Variants in CCSER1 observed in about 807,000 individuals in gnomAD.
CCSER1 encodes coiled-coil serine rich protein 1.
CCSER1 carries 41 observed loss-of-function variants against 82.0 expected under a neutral mutation model. The ratio of observed to expected loss-of-function variants is 0.50; its 90% CI spans 0.39 to 0.65. CCSER1 has a LOEUF of 0.65. Ranked by LOEUF, CCSER1 falls within the 30% of genes least tolerant of loss-of-function variation. CCSER1 has a pLI of 0.00. For missense variants in CCSER1, 1,119 were observed against 1,064.2 expected (o/e 1.05, Z -0.72); for synonymous variants, 414 against 383.9 (o/e 1.08, Z -0.92).
At chr4:90,374,457 A>C (rs1186875996) in intron 3 of CCSER1, among the ~76,000 whole-genome samples, 2 of 152,168 alleles carry the variant, frequency 1.3e-5, no homozygotes, top group African/African-American at 4.8e-5. Flanking sequence ...GATTCAGGCA[A>C]GGTTTGCAGT....
chr4:91,234,556 A>G (rs1312037013), intron 10 of CCSER1, among the ~76,000 whole-genome samples: 1 of 152,106 alleles, frequency 6.6e-6, no homozygotes, highest in Non-Finnish European at 1.5e-5. Flanking sequence ...CATAAACTAA[A>G]TTTGAATACC....
intron 9 of CCSER1, among the ~76,000 whole-genome samples, chr4:90,994,755 G>A (rs969825786): frequency 1.4e-4 from 21 of 152,074 alleles, no homozygotes; most frequent in African/African-American, 2.2e-4. Context: ...ATTTATTGCC[G>A]AAGTTGTTAT....
chr4:91,091,489 C>T (rs1182075696), intron 10 of CCSER1, among the ~76,000 whole-genome samples: 1 of 152,172 alleles, frequency 6.6e-6, no homozygotes. Context: ...GAAAGCAGTC[C>T]TCTGTGTGGG....
chr4:91,380,583 GT>G (rs1318273566), intron 10 of CCSER1, among the ~76,000 whole-genome samples: 1 of 151,560 alleles, frequency 6.6e-6, no homozygotes, highest in African/African-American at 2.4e-5. Context: ...GCCTTTTTTT[GT>G]TTTCCGTTTG....
rs576031511 is a variant in CCSER1 at position 91,581,479 on chromosome 4, C to A, written c.2218-17093C>A. Reference sequence around the variant, plus strand: ...CTTCTTAACAGAGTGAAATGAAGAACAATTACTTACTGCAGCTAAATGACA... The same window carrying A: ...CTTCTTAACAGAGTGAAATGAAGAAAAATTACTTACTGCAGCTAAATGACA... On this transcript the variant is annotated intron_variant, in intron 10 of 10. Coordinates refer to ENST00000509176, the MANE Select transcript of CCSER1 (RefSeq NM_001145065.2). Among the ~76,000 whole-genome samples the A allele has an allele frequency of 2.9e-4, 44 of 151,670 alleles. No homozygotes were observed. In the East Asian group the frequency reaches 8.0e-3, roughly 27 times the overall value.
chr4:91,476,069 T>A (rs1293665128), intron 10 of CCSER1, among the ~76,000 whole-genome samples: 1 of 151,926 alleles, frequency 6.6e-6, no homozygotes, highest in Non-Finnish European at 1.5e-5. Context: ...TTTCCTTATC[T>A]TGGCTATTGT....
At chr4:91,375,308 G>T (rs1273159528) in intron 10 of CCSER1, among the ~76,000 whole-genome samples, 1 of 152,190 alleles carries the variant, frequency 6.6e-6, no homozygotes, top group Non-Finnish European at 1.5e-5. Flanking sequence ...TTACCATCTT[G>T]TGATGGCACG....
At chr4:91,113,595 AATAGCAT>A (rs1162066572) in intron 10 of CCSER1, among the ~76,000 whole-genome samples, 1 of 152,164 alleles carries the variant, frequency 6.6e-6, no homozygotes, top group African/African-American at 2.4e-5. Context: ...CCGTATGATA[AATAGCAT>A]ATGCTACCTT....
At chr4:90,545,220 A>T (rs1776614041) in intron 5 of CCSER1, among the ~76,000 whole-genome samples, 1 of 152,118 alleles carries the variant, frequency 6.6e-6, no homozygotes, top group African/African-American at 2.4e-5. Flanking sequence ...GTCTTTCGAC[A>T]TTGGGAAGGT....
At chr4:91,388,874 G>A (rs1325752943) in intron 10 of CCSER1, among the ~76,000 whole-genome samples, 2 of 151,954 alleles carry the variant, frequency 1.3e-5, no homozygotes, top group African/African-American at 4.8e-5. Context: ...GTTTGAAAAT[G>A]CCTGTGTATC....
At chr4:91,472,609 A>T (rs1757344187) in intron 10 of CCSER1, among the ~76,000 whole-genome samples, 1 of 152,202 alleles carries the variant, frequency 6.6e-6, no homozygotes, top group Non-Finnish European at 1.5e-5. Context: ...CTTTCTCTAT[A>T]ATAACCACTG....
chr4:91,120,975 C>T (rs990062069), intron 10 of CCSER1, among the ~76,000 whole-genome samples: 2 of 151,924 alleles, frequency 1.3e-5, no homozygotes, highest in Non-Finnish European at 2.9e-5. Context: ...CCTCTCTTCT[C>T]TCTCCCTCCT....
At chr4:91,101,077 G>C (rs1404450704) in intron 10 of CCSER1, among the ~76,000 whole-genome samples, 1 of 152,198 alleles carries the variant, frequency 6.6e-6, no homozygotes, top group Non-Finnish European at 1.5e-5. Flanking sequence ...GGGGGAGCCA[G>C]CTTCTGACAG....
chr4:90,596,101 G>A (rs939571933), intron 5 of CCSER1, among the ~76,000 whole-genome samples: 4 of 151,794 alleles, frequency 2.6e-5, no homozygotes, highest in African/African-American at 4.8e-5. Flanking sequence ...GGTCTGTGGA[G>A]CACATTTTGA....
chr4:91,168,954 A>C (rs1242954529), intron 10 of CCSER1, among the ~76,000 whole-genome samples: 5 of 152,208 alleles, frequency 3.3e-5, no homozygotes, highest in Admixed American at 2.0e-4. Context: ...TAAATGGATT[A>C]AGGGCGGTGC....
intron 10 of CCSER1, among the ~76,000 whole-genome samples, chr4:91,545,123 G>A (rs552895424): frequency 8.5e-4 from 130 of 152,222 alleles, no homozygotes; most frequent in African/African-American, 2.9e-3. Context: ...GGGACCCTCC[G>A]AGCCATGTGT....
chr4:90,993,441 T>C (rs1737210571), intron 9 of CCSER1, among the ~76,000 whole-genome samples: 1 of 151,798 alleles, frequency 6.6e-6, no homozygotes, highest in African/African-American at 2.4e-5. Flanking sequence ...GTCTGCTTGA[T>C]ATTATTATGC....
At chr4:91,010,416 G>A (rs1474359298) in intron 9 of CCSER1, among the ~76,000 whole-genome samples, 1 of 82,542 alleles carries the variant, frequency 1.2e-5, no homozygotes, top group Non-Finnish European at 3.6e-5. Flanking sequence ...AATCTGTTTG[G>A]CAACTTTTGT....
chr4:91,366,668 A>T (rs1360608118), intron 10 of CCSER1, among the ~76,000 whole-genome samples: 3 of 152,338 alleles, frequency 2.0e-5, no homozygotes, highest in African/African-American at 7.2e-5. Context: ...ATACTGATCC[A>T]TTCAATTCAA....
Sources: gnomAD v4.1 joint callset for allele counts (sites outside exome capture counted in the v4.1 genomes callset) on GRCh38, gnomAD v4.1.1 for gene constraint, MANE v1.5 for transcripts, NCBI Gene and HGNC (gene_info 2026-07-23, HGNC 2026-07-21) for gene names.